Variants in PLEKHM3 observed in about 807,000 individuals in gnomAD.
PLEKHM3 encodes pleckstrin homology domain containing M3.
PLEKHM3 carries 45 observed loss-of-function variants against 81.8 expected under a neutral mutation model. That is an observed-to-expected ratio of 0.55 (90% CI 0.43 to 0.71). The LOEUF is 0.71. Ranked by LOEUF, PLEKHM3 falls within the 30% of genes least tolerant of loss-of-function variation. The pLI, the probability that PLEKHM3 is intolerant of heterozygous loss-of-function variation, is 0.00. For missense variants in PLEKHM3, 788 were observed against 924.3 expected (o/e 0.85, Z 1.91); for synonymous variants, 352 against 356.4 (o/e 0.99, Z 0.14).
intron 7 of PLEKHM3, among the ~76,000 whole-genome samples, chr2:207,854,350 T>G (rs537640995): frequency 1.3e-5 from 2 of 152,320 alleles, no homozygotes; most frequent in Non-Finnish European, 2.9e-5. Flanking sequence ...ATTTCTTTCA[T>G]CTGTATCATC....
At position 207,973,490 on chromosome 2, in the gene PLEKHM3, G is replaced by C. The variant is rs189168515; in HGVS notation, c.1546+3161C>G. Among the ~76,000 whole-genome samples the C allele has an allele frequency of 4.7e-4, 72 of 152,328 alleles. No individual in the cohort carries two copies. In the East Asian group the frequency reaches 0.011, roughly 23 times the overall value. On this transcript the variant is annotated intron_variant, in intron 3 of 7. Coordinates refer to ENST00000427836, the MANE Select transcript of PLEKHM3 (RefSeq NM_001080475.3). Reference sequence around the variant, plus strand: ...GCGGTGGCTTACGCCTGTAATCCCAGCACTTTGGGAGGCTGAGGCAAGCGG... The same window carrying C: ...GCGGTGGCTTACGCCTGTAATCCCACCACTTTGGGAGGCTGAGGCAAGCGG...
rs1468928210 is a variant in PLEKHM3 at position 207,976,636 on chromosome 2, A to G, written c.1546+15T>C. 3 of 1,604,516 alleles carry G rather than the reference A, an allele frequency of 1.9e-6. No individual in the cohort carries two copies. The highest frequency in any genetic ancestry group is 2.6e-6 in the Non-Finnish European group (3 of 1,175,130). On this transcript the variant is annotated intron_variant, in intron 3 of 7. Coordinates refer to ENST00000427836, the MANE Select transcript of PLEKHM3 (RefSeq NM_001080475.3). This position sits in a 1 kb window ranked among gnomAD's most constrained non-coding sequence, Gnocchi z 4.1. ...TGTTCTTTAATGAGCTATAGGCTGAAAATCTGCTTCATACCTGCACATTTG... is the reference window on the plus strand; with the variant it reads ...TGTTCTTTAATGAGCTATAGGCTGAGAATCTGCTTCATACCTGCACATTTG...
intron 2 of PLEKHM3, among the ~76,000 whole-genome samples, chr2:207,997,490 A>G (rs1574478866): frequency 6.6e-6 from 1 of 152,212 alleles, no homozygotes; most frequent in South Asian, 2.1e-4. Flanking sequence ...AAAAAAATGA[A>G]CATTAACTGG....
intron 5 of PLEKHM3, among the ~76,000 whole-genome samples, chr2:207,925,132 G>GTT (rs202065426): frequency 7.1e-4 from 99 of 138,550 alleles, no homozygotes; most frequent in Non-Finnish European, 1.2e-3. Flanking sequence ...GAACAGGGTT[G>GTT]TTTTTTTGTT....
At position 207,930,066 on chromosome 2, in the gene PLEKHM3, T is replaced by TA. The variant is rs1231616421; in HGVS notation, c.1886+859dup. 53 of 509,104 alleles carry TA rather than the reference T, an allele frequency of 1.0e-4. No homozygotes were observed. In the East Asian group the frequency reaches 1.5e-3, roughly 15 times the overall value. The allele number at this position is 509,104 out of a possible 1,614,324, so 31.5% of individuals were successfully genotyped here. On this transcript the variant is annotated intron_variant, in intron 5 of 7. Transcript: ENST00000427836. The stretch of plus-strand genomic sequence containing the variant: ...TTTAAATGCCTATAAAATCTGTCTG[T>TA]AAAAAAGGAATTTTATGAGAGCAGG...
chr2:207,855,826 C>T lies in PLEKHM3; in HGVS notation c.2108+5279G>A, dbSNP rs574003941. Among the ~76,000 whole-genome samples, 10 of 152,204 alleles carry T rather than the reference C, an allele frequency of 6.6e-5. No homozygotes were observed. The East Asian group carries it at 1.2e-3, about 18-fold the overall frequency. On this transcript the variant is annotated intron_variant, in intron 7 of 7. Transcript: ENST00000427836. ...AACAAGGTCTGAGAAACTGTCACAC[C>T]CAAGAGGAGCCTAGGGAGGTGTGAC...
chr2:207,843,744 C>A lies in PLEKHM3; in HGVS notation c.2109-15248G>T, dbSNP rs1212431784. On this transcript the variant is annotated intron_variant, in intron 7 of 7. Coordinates refer to ENST00000427836, the MANE Select transcript of PLEKHM3 (RefSeq NM_001080475.3). This position sits in a 1 kb window ranked among gnomAD's most constrained non-coding sequence, Gnocchi z 4.4. ...TGATATAAATTGCTTTTCCCCCAGTCTTTTCATTTAAATTTCCTTTCCACC... is the reference window on the plus strand; with the variant it reads ...TGATATAAATTGCTTTTCCCCCAGTATTTTCATTTAAATTTCCTTTCCACC... Among the ~76,000 whole-genome samples, 1 of 152,122 alleles carries A rather than the reference C, an allele frequency of 6.6e-6. No individual in the cohort carries two copies. Among genetic ancestry groups the A allele is most frequent in the African/African-American group, 2.4e-5 (1 of 41,420 alleles).
chr2:207,909,791 G>C (rs1288250591), intron 5 of PLEKHM3, among the ~76,000 whole-genome samples: 2 of 152,194 alleles, frequency 1.3e-5, no homozygotes, highest in African/African-American at 4.8e-5. Flanking sequence ...CCAAGGTTTA[G>C]AACCACTGGC....
At chr2:207,975,922 TTTTACTG>T (rs1281786126) in intron 3 of PLEKHM3, among the ~76,000 whole-genome samples, 1 of 146,222 alleles carries the variant, frequency 6.8e-6, no homozygotes, top group African/African-American at 2.5e-5. Context: ...TTTTTGGTAA[TTTTACTG>T]TTTCAGGAAA....
At chr2:207,877,944 T>G (rs1259708838) in intron 6 of PLEKHM3, among the ~76,000 whole-genome samples, 1 of 152,168 alleles carries the variant, frequency 6.6e-6, no homozygotes, top group Non-Finnish European at 1.5e-5. Flanking sequence ...AGGCTTTTAT[T>G]TATTTATTTG....
At chr2:207,919,157 A>AT (rs1412042012) in intron 5 of PLEKHM3, among the ~76,000 whole-genome samples, 1 of 152,164 alleles carries the variant, frequency 6.6e-6, no homozygotes, top group African/African-American at 2.4e-5. Context: ...AAAGAAAAAA[A>AT]GAGAAAAAAG....
chr2:207,986,299 GTAA>G (rs1299902418), intron 2 of PLEKHM3, among the ~76,000 whole-genome samples: 5 of 152,148 alleles, frequency 3.3e-5, no homozygotes, highest in African/African-American at 1.2e-4. Context: ...TGGAGTACTC[GTAA>G]GACTGCAGTA....
Position 207,824,394 on chromosome 2 carries a change from T to A in PLEKHM3, c.*3925A>T, listed in dbSNP as rs1316695909. The stretch of plus-strand genomic sequence containing the variant: ...AATCAGGAGGTGAAGATCTGTTTCA[T>A]AATCTAGTGATTTCAAGAGAGTGTG... On this transcript the variant is annotated 3_prime_UTR_variant, in exon 8 of 8. Transcript: ENST00000427836. 2.0e-5 allele frequency: 3 copies of A among 152,222 alleles called. No homozygotes were observed. Among genetic ancestry groups the A allele is most frequent in the Non-Finnish European group, 4.4e-5 (3 of 68,044 alleles). 9.4% of individuals were successfully genotyped at this position (152,222 alleles called of 1,614,324 possible). A position where few individuals can be genotyped will look rare whatever the true frequency, so the allele number is the denominator to read the frequency against.
At chr2:207,924,281 A>C (rs562024252) in intron 5 of PLEKHM3, among the ~76,000 whole-genome samples, 3 of 152,250 alleles carry the variant, frequency 2.0e-5, no homozygotes, top group African/African-American at 7.2e-5. Flanking sequence ...GGACATAACA[A>C]ACTAGTGAGT....
intron 4 of PLEKHM3, among the ~76,000 whole-genome samples, chr2:207,936,633 C>T (rs543547120): frequency 2.0e-4 from 30 of 152,146 alleles, no homozygotes; most frequent in South Asian, 8.3e-4. Context: ...AAAGAGCATA[C>T]GACCCTAATT....
At position 207,827,870 on chromosome 2, in the gene PLEKHM3, C is replaced by A. The variant is rs1396930291; in HGVS notation, c.*449G>T. 1 of 152,190 alleles carries A rather than the reference C, an allele frequency of 6.6e-6. No individual in the cohort carries two copies. Among genetic ancestry groups the A allele is most frequent in the Non-Finnish European group, 1.5e-5 (1 of 68,060 alleles). The allele number at this position is 152,190 out of a possible 1,614,324, so 9.4% of individuals were successfully genotyped here. On this transcript the variant is annotated 3_prime_UTR_variant, in exon 8 of 8. Transcript: ENST00000427836. ...AACAGATGATGATGGGTGCCTGCCTCAGTTACCTCAGCCTCTGTGAAGGCT... is the reference window on the plus strand; with the variant it reads ...AACAGATGATGATGGGTGCCTGCCTAAGTTACCTCAGCCTCTGTGAAGGCT...
At chr2:207,923,063 GA>G (rs1689240372) in intron 5 of PLEKHM3, among the ~76,000 whole-genome samples, 1 of 152,190 alleles carries the variant, frequency 6.6e-6, no homozygotes, top group Non-Finnish European at 1.5e-5. Flanking sequence ...GAACACAGTG[GA>G]AGATTCTGGC....
At chr2:207,921,065 T>C (rs1305132438) in intron 5 of PLEKHM3, among the ~76,000 whole-genome samples, 1 of 152,142 alleles carries the variant, frequency 6.6e-6, no homozygotes, top group Non-Finnish European at 1.5e-5. Flanking sequence ...CTTCCTACTT[T>C]TTTTGATGTT....
At chr2:207,943,546 C>T (rs1690012066) in intron 4 of PLEKHM3, among the ~76,000 whole-genome samples, 1 of 152,180 alleles carries the variant, frequency 6.6e-6, no homozygotes, top group Non-Finnish European at 1.5e-5. Context: ...CCAAATTCTA[C>T]TACCTTTTTT....
Sources: gnomAD v4.1 joint callset for allele counts (sites outside exome capture counted in the v4.1 genomes callset) on GRCh38, gnomAD v4.1.1 for gene constraint, Gnocchi (gnomAD v3.1) non-coding constraint, MANE v1.5 for transcripts, NCBI Gene and HGNC (gene_info 2026-07-23, HGNC 2026-07-21) for gene names.